The following GRIK2 variants were observed in gnomAD, a reference collection of about 807,000 sequenced individuals.
GRIK2 encodes the protein glutamate ionotropic receptor kainate type subunit 2.
A neutral mutation model predicts 100.3 loss-of-function variants in GRIK2; 32 were observed. The ratio of observed to expected loss-of-function variants is 0.32; its 90% confidence interval spans 0.24 to 0.43. The LOEUF (loss-of-function observed/expected upper bound fraction) is 0.43. GRIK2 is among the 20% of genes least tolerant of loss of function. The pLI is 1.00. For synonymous variants in GRIK2, 417 were observed against 389.4 expected (o/e 1.07, Z -0.83); for missense variants, 843 against 1,114.9 (o/e 0.76, Z 3.47).
At chr6:101,831,447 A>G (rs144142568) in intron 10 of GRIK2, among the ~76,000 whole-genome samples, 182 of 152,144 alleles carry the variant, frequency 1.2e-3, no homozygotes, top group African/African-American at 4.1e-3. Context: ...TGACATGAAC[A>G]CTAATTAGGG....
chr6:101,757,164 C>G (rs1320347979), intron 7 of GRIK2, among the ~76,000 whole-genome samples: 1 of 151,908 alleles, frequency 6.6e-6, no homozygotes, highest in African/African-American at 2.4e-5. Context: ...TGCTTTGTGG[C>G]CTTTGAACTG....
chr6:101,862,259 C>T (rs926205355), intron 11 of GRIK2, among the ~76,000 whole-genome samples: 9 of 152,096 alleles, frequency 5.9e-5, no homozygotes, highest in South Asian at 2.1e-4. Flanking sequence ...TAGTGATCAT[C>T]GATTCCCAAG....
At chr6:101,944,033 C>T (rs1578287) in intron 14 of GRIK2, among the ~76,000 whole-genome samples, 5,710 of 151,954 alleles carry the variant, frequency 0.038, 373 homozygotes, top group African/African-American at 0.13. Flanking sequence ...CTCATGAGGG[C>T]GGTTTTTAAT....
intron 14 of GRIK2, among the ~76,000 whole-genome samples, chr6:101,970,441 A>G (rs2128485670): frequency 6.6e-6 from 1 of 152,170 alleles, no homozygotes; most frequent in South Asian, 2.1e-4. Flanking sequence ...AACCCCACAG[A>G]CAGTGTGCCT....
At chr6:101,428,077 T>C (rs2128242015) in intron 2 of GRIK2, among the ~76,000 whole-genome samples, 2 of 152,344 alleles carry the variant, frequency 1.3e-5, no homozygotes, top group South Asian at 2.1e-4. Flanking sequence ...ATATCTGTGT[T>C]TGAATTACAA....
chr6:101,413,301 A>C (rs1400064868), intron 2 of GRIK2, among the ~76,000 whole-genome samples: 2 of 152,020 alleles, frequency 1.3e-5, no homozygotes, highest in African/African-American at 4.8e-5. Context: ...TTCTTCAAGA[A>C]AGAGAGATGA....
intron 4 of GRIK2, among the ~76,000 whole-genome samples, chr6:101,646,032 A>G (rs1781511517): frequency 6.6e-6 from 1 of 151,728 alleles, no homozygotes; most frequent in Non-Finnish European, 1.5e-5. Flanking sequence ...TTACATTAAG[A>G]TGTGTAAACT....
intron 7 of GRIK2, among the ~76,000 whole-genome samples, chr6:101,752,762 T>C (rs1776871776): frequency 6.6e-6 from 1 of 152,170 alleles, no homozygotes; most frequent in Non-Finnish European, 1.5e-5. Context: ...GTTGTAACTG[T>C]AATAAATATG....
intron 12 of GRIK2, among the ~76,000 whole-genome samples, chr6:101,907,646 A>T (rs1788323459): frequency 1.4e-5 from 2 of 138,632 alleles, no homozygotes; most frequent in African/African-American, 4.9e-5. Context: ...CGTAGCTAAC[A>T]TTGGGTTTTG....
At chr6:101,794,985 C>A (rs571589509) in intron 7 of GRIK2, among the ~76,000 whole-genome samples, 1 of 151,926 alleles carries the variant, frequency 6.6e-6, no homozygotes, top group Middle Eastern at 3.4e-3. Flanking sequence ...CCTGCCTTAG[C>A]CTCACAAGTA....
intron 14 of GRIK2, among the ~76,000 whole-genome samples, chr6:101,932,758 T>C (rs1790371888): frequency 6.6e-6 from 1 of 151,972 alleles, no homozygotes; most frequent in Non-Finnish European, 1.5e-5. Flanking sequence ...TGAGCTTGTG[T>C]TAATTATTAA....
intron 10 of GRIK2, among the ~76,000 whole-genome samples, chr6:101,825,027 C>T (rs1237169314): frequency 1.3e-5 from 2 of 152,164 alleles, no homozygotes; most frequent in Non-Finnish European, 2.9e-5. Flanking sequence ...CTCTGATTCT[C>T]GTCTTTCCAT....
At chr6:101,419,489 C>A (rs1776312532) in intron 2 of GRIK2, among the ~76,000 whole-genome samples, 1 of 152,150 alleles carries the variant, frequency 6.6e-6, no homozygotes, top group Non-Finnish European at 1.5e-5. Context: ...ACACACAGTT[C>A]TGACATGTGA....
intron 3 of GRIK2, among the ~76,000 whole-genome samples, chr6:101,625,086 A>G (rs1377022965): frequency 1.3e-5 from 2 of 152,176 alleles, no homozygotes; most frequent in East Asian, 3.9e-4. Context: ...TAGAATTAAA[A>G]ATAATAGCCG....
chr6:101,781,709 G>A (rs1406402856), intron 7 of GRIK2, among the ~76,000 whole-genome samples: 1 of 151,828 alleles, frequency 6.6e-6, no homozygotes, highest in Non-Finnish European at 1.5e-5. Context: ...TAATAATATA[G>A]TTTCCTGGAT....
At chr6:101,728,868 A>C (rs1775059368) in intron 7 of GRIK2, among the ~76,000 whole-genome samples, 2 of 152,176 alleles carry the variant, frequency 1.3e-5, no homozygotes, top group East Asian at 3.9e-4. Context: ...AGAGTCACTT[A>C]CCATTTCATT....
At chr6:101,514,367 A>C (rs966701722) in intron 2 of GRIK2, among the ~76,000 whole-genome samples, 6 of 152,060 alleles carry the variant, frequency 3.9e-5, no homozygotes, top group Non-Finnish European at 7.4e-5. Context: ...AGGAGCAGAT[A>C]GTTTAATAGC....
intron 14 of GRIK2, among the ~76,000 whole-genome samples, chr6:101,982,398 C>A (rs2128489713): frequency 6.6e-6 from 1 of 151,890 alleles, no homozygotes; most frequent in African/African-American, 2.4e-5. Context: ...GCCACTCTAT[C>A]ATGCAGATAT....
intron 1 of GRIK2, among the ~76,000 whole-genome samples, chr6:101,394,590 C>T (rs1774931000): frequency 6.6e-6 from 1 of 152,166 alleles, no homozygotes; most frequent in Non-Finnish European, 1.5e-5. Context: ...CATCTCCATA[C>T]TGTAAGTATT....
Sources: gnomAD v4.1 joint callset for allele counts (sites outside exome capture counted in the v4.1 genomes callset) on GRCh38, gnomAD v4.1.1 for gene constraint, MANE v1.5 for transcripts, NCBI Gene and HGNC (gene_info 2026-07-23, HGNC 2026-07-21) for gene names.